CTNNA2: variants seen among roughly 807,000 people sequenced by gnomAD.
The protein encoded by CTNNA2 is catenin alpha-2.
In CTNNA2, 42 loss-of-function variants were observed where a neutral mutation model predicts 101.0. The ratio of observed to expected loss-of-function variants is 0.42; its 90% CI spans 0.32 to 0.54. The LOEUF (loss-of-function observed/expected upper bound fraction) is 0.54. Ranked by LOEUF, CTNNA2 falls within the 20% of genes least tolerant of loss-of-function variation. The probability of loss-of-function intolerance (pLI) is 0.14; values close to 1 mark genes in which losing one functional copy is unlikely to be tolerated. For missense variants in CTNNA2, 871 were observed against 1,223.1 expected (o/e 0.71, Z 4.29); for synonymous variants, 450 against 456.4 (o/e 0.99, Z 0.18).
At chr2:79,852,091 G>A (rs1680760148) in intron 3 of CTNNA2, among the ~76,000 whole-genome samples, 1 of 152,070 alleles carries the variant, frequency 6.6e-6, no homozygotes, top group South Asian at 2.1e-4. Flanking sequence ...TAAAAAACAT[G>A]AACTATCAGT....
At chr2:79,810,956 T>C (rs529459110) in intron 3 of CTNNA2, among the ~76,000 whole-genome samples, 2,985 of 151,556 alleles carry the variant, frequency 0.02, 84 homozygotes, top group African/African-American at 0.068. Flanking sequence ...GTTCCAAGTC[T>C]TTGCTATTGT....
chr2:79,920,894 G>T (rs527535907), intron 7 of CTNNA2, among the ~76,000 whole-genome samples: 6 of 152,102 alleles, frequency 3.9e-5, no homozygotes, highest in Non-Finnish European at 7.4e-5. Context: ...TATTTCTGTC[G>T]CTACAGAGTG....
intron 15 of CTNNA2, among the ~76,000 whole-genome samples, chr2:80,598,406 A>G (rs2149759748): frequency 6.6e-6 from 1 of 152,248 alleles, no homozygotes; most frequent in South Asian, 2.1e-4. Flanking sequence ...CTACCATGCC[A>G]CATATAAAGC....
chr2:79,542,326 G>C (rs1248875060), intron 1 of CTNNA2, among the ~76,000 whole-genome samples: 1 of 152,120 alleles, frequency 6.6e-6, no homozygotes, highest in East Asian at 1.9e-4. Flanking sequence ...AAAAGTAAAA[G>C]ATTTATCCTA....
At chr2:80,608,088 G>A in intron 16 of CTNNA2, 96 bp from the exon 17 acceptor site, 1 of 1,214,926 alleles carries the variant, frequency 8.2e-7, no homozygotes, top group African/African-American at 1.5e-5. Context: ...TAAGGTATAT[G>A]ACACTGAAAA....
chr2:79,870,521 C>T (rs191128194), intron 5 of CTNNA2, among the ~76,000 whole-genome samples: 11 of 152,086 alleles, frequency 7.2e-5, no homozygotes, highest in African/African-American at 2.7e-4. Context: ...TGCAGGTGAG[C>T]GTGAGTCACT....
At chr2:79,669,183 A>G (rs891290749) in intron 2 of CTNNA2, among the ~76,000 whole-genome samples, 5 of 152,324 alleles carry the variant, frequency 3.3e-5, no homozygotes, top group African/African-American at 1.2e-4. Context: ...TGAAACCGGT[A>G]TGATAGTAAT....
intron 7 of CTNNA2, among the ~76,000 whole-genome samples, chr2:80,001,283 T>C (rs1692927895): frequency 6.6e-6 from 1 of 152,224 alleles, no homozygotes. Context: ...AATATTTCTC[T>C]AGGGTTATGG....
chr2:79,680,742 A>C (rs2104638471), intron 2 of CTNNA2, among the ~76,000 whole-genome samples: 1 of 152,336 alleles, frequency 6.6e-6, no homozygotes, highest in South Asian at 2.1e-4. Flanking sequence ...TGCTTTCAGT[A>C]ATGTGAAAAG....
intron 9 of CTNNA2, among the ~76,000 whole-genome samples, chr2:80,539,103 C>A (rs543914472): frequency 2.0e-5 from 3 of 152,138 alleles, no homozygotes; most frequent in Admixed American, 6.5e-5. Context: ...ACTGTAACCT[C>A]CACCTCCTCA....
intron 9 of CTNNA2, among the ~76,000 whole-genome samples, chr2:80,514,255 G>A (rs567929290): frequency 1.3e-5 from 2 of 152,258 alleles, no homozygotes; most frequent in African/African-American, 4.8e-5. Flanking sequence ...GGATCCAGCT[G>A]TCCACTTTGG....
intron 3 of CTNNA2, among the ~76,000 whole-genome samples, chr2:79,775,599 A>G (rs1673904369): frequency 6.6e-6 from 1 of 152,322 alleles, no homozygotes; most frequent in South Asian, 2.1e-4. Flanking sequence ...TGCATTAACT[A>G]TTAGTTACAG....
chr2:79,500,491 C>A (rs994288974), intron 4 of CTNNA2, among the ~76,000 whole-genome samples: 2 of 152,126 alleles, frequency 1.3e-5, no homozygotes, highest in African/African-American at 4.8e-5. Flanking sequence ...TGAAATTACA[C>A]AGAATAATTG....
chr2:80,556,470 C>T (rs1265976651), intron 12 of CTNNA2, among the ~76,000 whole-genome samples: 1 of 152,124 alleles, frequency 6.6e-6, no homozygotes, highest in Non-Finnish European at 1.5e-5. Flanking sequence ...CCCTTTCTTT[C>T]TAGGAAAGCT....
chr2:79,981,471 C>G (rs558379262), intron 7 of CTNNA2, among the ~76,000 whole-genome samples: 2 of 152,022 alleles, frequency 1.3e-5, no homozygotes, highest in Non-Finnish European at 2.9e-5. Context: ...AATTTTTCAG[C>G]TATTTTATTT....
intron 7 of CTNNA2, among the ~76,000 whole-genome samples, chr2:80,073,950 A>G (rs571747904): frequency 2.6e-5 from 4 of 152,226 alleles, no homozygotes; most frequent in Admixed American, 6.5e-5. Flanking sequence ...TTTCTAACAG[A>G]TAGTCCAGTA....
chr2:80,598,553 C>G (rs905772717), intron 15 of CTNNA2, among the ~76,000 whole-genome samples: 3 of 152,100 alleles, frequency 2.0e-5, no homozygotes, highest in Admixed American at 6.5e-5. Flanking sequence ...GACGTAAAAA[C>G]TTGTATTCAC....
intron 2 of CTNNA2, among the ~76,000 whole-genome samples, chr2:79,680,103 G>A (rs115078333): frequency 8.2e-4 from 124 of 151,942 alleles, no homozygotes; most frequent in African/African-American, 2.9e-3. Flanking sequence ...CTTATTTTTG[G>A]ACTGACCCTT....
intron 8 of CTNNA2, among the ~76,000 whole-genome samples, chr2:80,398,059 G>A (rs895855164): frequency 1.6e-4 from 24 of 152,118 alleles, no homozygotes; most frequent in African/African-American, 5.8e-4. Context: ...TCAAAAACAT[G>A]GTTCTTGTTT....
Sources: allele counts gnomAD v4.1 joint callset (sites outside exome capture counted in the v4.1 genomes callset), GRCh38; gene constraint gnomAD v4.1.1; transcripts MANE v1.5; gene names NCBI Gene and HGNC (gene_info 2026-07-23, HGNC 2026-07-21).